The following XIRP2 variants were observed in gnomAD, a reference collection of about 807,000 sequenced individuals.
The protein encoded by XIRP2 is xin actin binding repeat containing 2.
In XIRP2, 236 loss-of-function variants were observed where a neutral mutation model predicts 277.0. The ratio of observed to expected loss-of-function variants is 0.85; its 90% CI spans 0.77 to 0.95. The LOEUF (loss-of-function observed/expected upper bound fraction) is 0.95. Among genes scored for constraint, XIRP2 ranks in the 40% least tolerant of loss-of-function variants. The pLI, the probability that XIRP2 is intolerant of heterozygous loss-of-function variation, is 0.00. For synonymous variants in XIRP2, 1,490 were observed against 1,416.5 expected, an observed-to-expected ratio of 1.05 and a Z score of -1.17; for missense variants, 4,640 against 4,157.5, an observed-to-expected ratio of 1.12 and a Z score of -3.19.
chr2:167,143,747 A>G (rs1312267303), intron 3 of XIRP2, among the ~76,000 whole-genome samples: 1 of 152,160 alleles, frequency 6.6e-6, no homozygotes, highest in African/African-American at 2.4e-5. Flanking sequence ...ATTTTCGCCA[A>G]TTAAAGGAGT....
At chr2:167,074,875 C>T (rs891384) in intron 2 of XIRP2, among the ~76,000 whole-genome samples, 1 of 152,056 alleles carries the variant, frequency 6.6e-6, no homozygotes, top group East Asian at 1.9e-4. Flanking sequence ...TCCACCTACC[C>T]TGGCCTCTCA....
chr2:167,117,429 A>G (rs1690927015), intron 2 of XIRP2, among the ~76,000 whole-genome samples: 1 of 152,204 alleles, frequency 6.6e-6, no homozygotes. Flanking sequence ...TTTAGTCTAC[A>G]AGAAAAAAAA....
chr2:167,104,404 T>C (rs1690563186), intron 2 of XIRP2, among the ~76,000 whole-genome samples: 1 of 152,108 alleles, frequency 6.6e-6, no homozygotes, highest in Non-Finnish European at 1.5e-5. Context: ...AAATAACCAT[T>C]ATTGTTGCAG....
chr2:167,094,530 A>G (rs1043167807), intron 2 of XIRP2, among the ~76,000 whole-genome samples: 1 of 152,216 alleles, frequency 6.6e-6, no homozygotes, highest in Non-Finnish European at 1.5e-5. Flanking sequence ...AGTTTTCTGC[A>G]TATGGCTAGC....
chr2:167,250,558 G>C lies in XIRP2; in HGVS notation c.9166G>C (p.Val3056Leu). 1 of 1,613,552 alleles carries C rather than the reference G, an allele frequency of 6.2e-7. No individual in the cohort carries two copies. Among genetic ancestry groups the C allele is most frequent in the Non-Finnish European group, 8.5e-7 (1 of 1,179,724 alleles). Residue 3056 changes from valine (V) to leucine (L), a missense_variant, in exon 9 of 11, where the codon GTA becomes CTA. Physicochemically the swap from Val to Leu is conservative, Grantham distance 32 (BLOSUM62 1). Coordinates refer to ENST00000409195, the MANE Select transcript of XIRP2 (RefSeq NM_152381.6). ...TAGTCTTGATGAAACATCATCCAAAGTATCTAATGTTCATGTCAGCAATAA... is the reference window on the plus strand; with the variant it reads ...TAGTCTTGATGAAACATCATCCAAACTATCTAATGTTCATGTCAGCAATAA... ...PTSLDETSSK[V>L]SNVHVSNNKN...
At chr2:167,156,459 G>C (rs1163462822) in intron 3 of XIRP2, among the ~76,000 whole-genome samples, 1 of 152,064 alleles carries the variant, frequency 6.6e-6, no homozygotes, top group Non-Finnish European at 1.5e-5. Flanking sequence ...GCTAGGGAAA[G>C]TGCATTCTTA....
chr2:166,908,446 A>T (rs1319516165), intron 2 of XIRP2, among the ~76,000 whole-genome samples: 1 of 152,066 alleles, frequency 6.6e-6, no homozygotes, highest in Non-Finnish European at 1.5e-5. Flanking sequence ...TCCTTCGCCC[A>T]CTTTTTGATG....
chr2:167,201,244 AAGAAAG>A (rs1295046395), intron 3 of XIRP2, among the ~76,000 whole-genome samples: 1 of 90,796 alleles, frequency 1.1e-5, no homozygotes, highest in African/African-American at 6.8e-5. Flanking sequence ...GAAAGAAAGA[AAGAAAG>A]AAAGAAAGAA....
chr2:167,013,336 A>G (rs1687733272), intron 2 of XIRP2, among the ~76,000 whole-genome samples: 1 of 151,360 alleles, frequency 6.6e-6, no homozygotes, highest in Non-Finnish European at 1.5e-5. Flanking sequence ...AGCACATAGG[A>G]AAAAAACAAT....
chr2:166,982,149 A>C (rs1290019372), intron 2 of XIRP2, among the ~76,000 whole-genome samples: 1 of 151,758 alleles, frequency 6.6e-6, no homozygotes, highest in Admixed American at 6.6e-5. Context: ...TTTTCTTTCG[A>C]TATTTTAAAG....
intron 2 of XIRP2, among the ~76,000 whole-genome samples, chr2:167,004,236 G>T (rs2175412): frequency 0.53 from 79,634 of 151,594 alleles, 22,952 homozygotes; most frequent in East Asian, 0.82. Context: ...TTTAGCTGCA[G>T]GTATGCATAT....
rs776074194 is a variant in XIRP2 at position 167,249,676 on chromosome 2, C to A, written c.8284C>A (p.His2762Asn). 6.2e-7 allele frequency: 1 copy of A among 1,613,428 alleles called. No homozygotes were observed. Among genetic ancestry groups the A allele is most frequent in the Non-Finnish European group, 8.5e-7 (1 of 1,179,744 alleles). ...AACTGAAGCAAGCACTGAATGTAGT[C>A]ATAAGCAATCTCTGGCTGAAAGACA... Reference protein sequence around the residue: ...KKTEASTECSHKQSLAERHYQ... With the variant: ...KKTEASTECSNKQSLAERHYQ... Residue 2762 changes from histidine (H) to asparagine (N), a missense_variant, in exon 9 of 11, where the codon CAT (histidine) becomes AAT (asparagine). Coordinates refer to ENST00000409195, the MANE Select transcript of XIRP2 (RefSeq NM_152381.6).
chr2:167,039,552 G>C (rs1688606928), intron 2 of XIRP2, among the ~76,000 whole-genome samples: 1 of 152,146 alleles, frequency 6.6e-6, no homozygotes, highest in Non-Finnish European at 1.5e-5. Flanking sequence ...AGAAGATAGA[G>C]CCGTATGAAT....
chr2:167,201,231 A>G (rs1693690844), intron 3 of XIRP2, among the ~76,000 whole-genome samples: 1 of 109,924 alleles, frequency 9.1e-6, no homozygotes, highest in Non-Finnish European at 1.7e-5. Context: ...AGAAAGAAAG[A>G]AAGAAAGAAA....
intron 2 of XIRP2, among the ~76,000 whole-genome samples, chr2:167,130,463 G>T (rs1404403744): frequency 6.6e-6 from 1 of 151,856 alleles, no homozygotes; most frequent in Non-Finnish European, 1.5e-5. Flanking sequence ...CCCTACCCTA[G>T]CTTTCATTTT....
At chr2:167,201,128 AAGAG>A (rs530733596) in intron 3 of XIRP2, among the ~76,000 whole-genome samples, 8 of 147,176 alleles carry the variant, frequency 5.4e-5, no homozygotes, top group Non-Finnish European at 7.5e-5. Context: ...TTTGTCAAGA[AAGAG>A]AGAGAGAGAG....
chr2:167,038,963 A>G (rs189571071), intron 2 of XIRP2, among the ~76,000 whole-genome samples: 37 of 152,296 alleles, frequency 2.4e-4, no homozygotes, highest in African/African-American at 8.4e-4. Context: ...TTCATAACTG[A>G]CAAGCAAAAC....
intron 5 of XIRP2, among the ~76,000 whole-genome samples, chr2:167,231,166 T>C (rs1399363639): frequency 6.6e-6 from 1 of 152,078 alleles, no homozygotes; most frequent in Admixed American, 6.6e-5. Flanking sequence ...TCTGTTTTAT[T>C]AATTTTCTTC....
At chr2:167,120,274 A>C (rs1691018737) in intron 2 of XIRP2, among the ~76,000 whole-genome samples, 2 of 152,182 alleles carry the variant, frequency 1.3e-5, no homozygotes, top group African/African-American at 4.8e-5. Flanking sequence ...TATTTCTAGC[A>C]GACAGCATAG....
Sources: allele counts gnomAD v4.1 joint callset (sites outside exome capture counted in the v4.1 genomes callset), GRCh38; gene constraint gnomAD v4.1.1; transcripts MANE v1.5; gene names NCBI Gene and HGNC (gene_info 2026-07-23, HGNC 2026-07-21).